The following PPP1R11 variants were observed in gnomAD, a reference collection of about 807,000 sequenced individuals.
The protein encoded by PPP1R11 is E3 ubiquitin-protein ligase PPP1R11.
PPP1R11 carries 10 observed loss-of-function variants against 11.3 expected under a neutral mutation model. That is an observed-to-expected ratio of 0.88 (90% CI 0.55 to 1.50). The LOEUF (loss-of-function observed/expected upper bound fraction) is 1.50. Among genes scored for constraint, PPP1R11 ranks in the 40% most tolerant of loss-of-function variants. The pLI, the probability that PPP1R11 is intolerant of heterozygous loss-of-function variation, is 0.00. For synonymous variants in PPP1R11, 56 were observed against 62.3 expected (o/e 0.90, Z 0.48); for missense variants, 114 against 179.1 (o/e 0.64, Z 2.07).
chr6:30,069,462 C>T lies in PPP1R11; in HGVS notation c.*156C>T. 1.6e-6 allele frequency: 1 copy of T among 626,868 alleles called. No individual in the cohort carries two copies. The highest frequency in any genetic ancestry group is 2.6e-6 in the Non-Finnish European group (1 of 389,590). The allele number at this position is 626,868 out of a possible 1,614,324, so 38.8% of individuals were successfully genotyped here. A position where few individuals can be genotyped will look rare whatever the true frequency, so the allele number is the denominator to read the frequency against. On this transcript the variant is annotated 3_prime_UTR_variant, in exon 3 of 3. Coordinates refer to ENST00000376772, the MANE Select transcript of PPP1R11 (RefSeq NM_021959.3). This position sits in a 1 kb window ranked among gnomAD's most constrained non-coding sequence, Gnocchi z 6.6. ...CTGAAATTCTGACTTGCTGCTATTC[C>T]AGAACCCAGCCTCCTGGGTTTCCCC...
rs1307841635 is a variant in PPP1R11 at position 30,067,543 on chromosome 6, G to A, written c.69+64G>A. 11 of 1,555,270 alleles carry A rather than the reference G, an allele frequency of 7.1e-6. No homozygotes were observed. In the African/African-American group the frequency reaches 1.4e-4, roughly 19 times the overall value. On this transcript the variant is annotated intron_variant, in intron 1 of 2. Coordinates refer to ENST00000376772, the MANE Select transcript of PPP1R11 (RefSeq NM_021959.3). Reference sequence around the variant, plus strand: ...GGAGATACTGGGAGGGAGGGGACAGGGATTAGAAGAGTTGTTGGAGGAGCT... The same window carrying A: ...GGAGATACTGGGAGGGAGGGGACAGAGATTAGAAGAGTTGTTGGAGGAGCT...
chr6:30,065,591 G>A (rs2127298967), upstream of PPP1R11, among the ~76,000 whole-genome samples: 1 of 152,086 alleles, frequency 6.6e-6, no homozygotes, highest in East Asian at 1.9e-4. This position sits in a 1 kb window ranked among gnomAD's most constrained non-coding sequence, Gnocchi z 5.3. Flanking sequence ...AAGTTTTGGG[G>A]GAGTCAAAAG....
upstream of PPP1R11, among the ~76,000 whole-genome samples, chr6:30,062,714 CTTTTTTTTTTTT>C (rs9278555): frequency 2.4e-4 from 10 of 42,390 alleles, no homozygotes; most frequent in South Asian, 1.3e-3. Flanking sequence ...CCACGCCTGG[CTTTTTTTTTTTT>C]TTTTTTTTTT....
upstream of PPP1R11, chr6:30,067,146 C>T: frequency 2.3e-6 from 1 of 443,938 alleles, no homozygotes; most frequent in African/African-American, 2.0e-5. Context: ...GCGACGCCTG[C>T]GCTTTGACGC....
rs914479779 is a variant in PPP1R11 at position 30,069,379 on chromosome 6, C to A, written c.*73C>A. ...TCCATGTGGCTACTTCTCCAGCCCC[C>A]TCCTTCCCTCTCTTCTGCCTGATAG... On this transcript the variant is annotated 3_prime_UTR_variant, in exon 3 of 3. Transcript: ENST00000376772. This position sits in a 1 kb window ranked among gnomAD's most constrained non-coding sequence, Gnocchi z 6.6. 1 of 1,153,046 alleles carries A rather than the reference C, an allele frequency of 8.7e-7. No individual in the cohort carries two copies. The highest frequency in any genetic ancestry group is 1.6e-5 in the African/African-American group (1 of 64,346). The allele number at this position is 1,153,046 out of a possible 1,614,324, so 71.4% of individuals were successfully genotyped here. A position where few individuals can be genotyped will look rare whatever the true frequency, so the allele number is the denominator to read the frequency against.
At chr6:30,061,377 C>A in the PPP1R11 span, 1 of 871,082 alleles carries the variant, frequency 1.1e-6, no homozygotes, top group South Asian at 2.0e-5. This position sits in a 1 kb window ranked among gnomAD's most constrained non-coding sequence, Gnocchi z 5.0. Context: ...GTTTCGGCTC[C>A]TTGGTCGCAG....
intron 1 of PPP1R11, 156 bp downstream of exon 1, chr6:30,067,635 C>G: frequency 1.1e-6 from 1 of 933,630 alleles, no homozygotes; most frequent in East Asian, 2.6e-5. Context: ...GGTATTGGAG[C>G]TATTTGGAGT....
At chr6:30,068,728 G>A (rs1404987747) in intron 2 of PPP1R11, 30 bp downstream of exon 2, 24 of 1,576,368 alleles carry the variant, frequency 1.5e-5, no homozygotes, top group Non-Finnish European at 2.0e-5. Context: ...CAGTAGCCCT[G>A]GAGTTCTGGC....
At chr6:30,064,605 A>G (rs1474263695), upstream of PPP1R11, 13 of 1,425,250 alleles carry the variant, frequency 9.1e-6, no homozygotes, top group African/African-American at 1.4e-5. Flanking sequence ...ATTTGATTGC[A>G]TATCTTATCT....
chr6:30,065,220 C>T (rs564368029), upstream of PPP1R11, among the ~76,000 whole-genome samples: 104 of 152,286 alleles, frequency 6.8e-4, 1 homozygote, highest in Non-Finnish European at 1.2e-3. The surrounding 1 kb of genome is among the most constrained non-coding windows in gnomAD (Gnocchi z 5.3). Context: ...TAAGTGATCA[C>T]TATAGGTGAG....
chr6:30,068,558 C>A, intron 1 of PPP1R11, 32 bp from the exon 2 acceptor site: 1 of 1,572,028 alleles, frequency 6.4e-7, no homozygotes, highest in Non-Finnish European at 8.7e-7. Flanking sequence ...TAAGAGGGGA[C>A]TAGATAGGTA....
upstream of PPP1R11, among the ~76,000 whole-genome samples, chr6:30,062,964 C>A (rs1244431897): frequency 6.6e-6 from 1 of 151,266 alleles, no homozygotes; most frequent in Non-Finnish European, 1.5e-5. Context: ...CTGCAGTCTT[C>A]AACCGCAGTC....
At chr6:30,061,422 T>TA in the PPP1R11 span, 9 of 1,381,356 alleles carry the variant, frequency 6.5e-6, no homozygotes, top group Non-Finnish European at 9.0e-6. The surrounding 1 kb of genome is among the most constrained non-coding windows in gnomAD (Gnocchi z 5.0). Flanking sequence ...GGGTTCGGGT[T>TA]ATATACTCCT....
Position 30,069,350 on chromosome 6 carries a change from T to G in PPP1R11, c.*44T>G. On this transcript the variant is annotated 3_prime_UTR_variant, in exon 3 of 3. Transcript: ENST00000376772. The surrounding 1 kb of genome is among the most constrained non-coding windows in gnomAD (Gnocchi z 6.6). ...ATTCCTGTGTCTGTCTGGCCCTAAA[T>G]GTATCCATGTGGCTACTTCTCCAGC... 1 of 1,430,794 alleles carries G rather than the reference T, an allele frequency of 7.0e-7. No individual in the cohort carries two copies. 88.6% of individuals were successfully genotyped at this position (1,430,794 alleles called of 1,614,324 possible).
Position 30,067,341 on chromosome 6 carries a change from C to A in PPP1R11, c.-70C>A. ...GAATCCGATACCGCTTCTCTTAGAC[C>A]TCAGCGACAGAAAAAGGGAAGGGTG... On this transcript the variant is annotated 5_prime_UTR_variant, in exon 1 of 3. Transcript: ENST00000376772. 1 of 1,488,672 alleles carries A rather than the reference C, an allele frequency of 6.7e-7. No homozygotes were observed. The highest frequency in any genetic ancestry group is 9.3e-7 in the Non-Finnish European group (1 of 1,070,118). The allele number at this position is 1,488,672 out of a possible 1,614,324, so 92.2% of individuals were successfully genotyped here. A position where few individuals can be genotyped will look rare whatever the true frequency, so the allele number is the denominator to read the frequency against.
rs1287699558 is a variant in PPP1R11 at position 30,069,789 on chromosome 6, T to C, written c.*483T>C. 6.4e-5 allele frequency: 10 copies of C among 156,716 alleles called. No homozygotes were observed. Among genetic ancestry groups the C allele is most frequent in the African/African-American group, 2.2e-4 (9 of 41,734 alleles). The allele number at this position is 156,716 out of a possible 1,614,324, so 9.7% of individuals were successfully genotyped here. On this transcript the variant is annotated 3_prime_UTR_variant, in exon 3 of 3. Coordinates refer to ENST00000376772, the MANE Select transcript of PPP1R11 (RefSeq NM_021959.3). This position sits in a 1 kb window ranked among gnomAD's most constrained non-coding sequence, Gnocchi z 6.6. ...ATTCTTAGTCCTTGCCTGTGAGATA[T>C]GAGGTCTTACAGGAGACCTCAGAGC...
chr6:30,061,855 G>A, upstream of PPP1R11: 1 of 1,583,900 alleles, frequency 6.3e-7, no homozygotes, highest in Non-Finnish European at 8.7e-7. The surrounding 1 kb of genome is among the most constrained non-coding windows in gnomAD (Gnocchi z 5.0). Context: ...GGGGAAAGGG[G>A]AGGTTTCCGG....
intron 2 of PPP1R11, 114 bp downstream of exon 2, chr6:30,068,812 A>C: frequency 3.0e-6 from 3 of 988,472 alleles, no homozygotes; most frequent in Non-Finnish European, 1.5e-6. Flanking sequence ...TAGTTCTGTC[A>C]CTTTTTTGGT....
At chr6:30,065,588 G>A (rs1451509380), upstream of PPP1R11, among the ~76,000 whole-genome samples, 1 of 151,822 alleles carries the variant, frequency 6.6e-6, no homozygotes, top group Non-Finnish European at 1.5e-5. This position sits in a 1 kb window ranked among gnomAD's most constrained non-coding sequence, Gnocchi z 5.3. Flanking sequence ...GTAAAGTTTT[G>A]GGGGAGTCAA....
Sources: gnomAD v4.1 joint callset for allele counts (sites outside exome capture counted in the v4.1 genomes callset) on GRCh38, gnomAD v4.1.1 for gene constraint, Gnocchi (gnomAD v3.1) non-coding constraint, MANE v1.5 for transcripts, NCBI Gene and HGNC (gene_info 2026-07-23, HGNC 2026-07-21) for gene names.